Variants in HIVEP3 observed in about 807,000 individuals in gnomAD.
HIVEP3 encodes HIVEP zinc finger 3, also known as transcription factor HIVEP3.
A neutral mutation model predicts 152.8 loss-of-function variants in HIVEP3; 49 were observed. The ratio of observed to expected loss-of-function variants is 0.32; its 90% CI spans 0.26 to 0.41. HIVEP3 has a LOEUF of 0.41. Among genes scored for constraint, HIVEP3 ranks in the 10% least tolerant of loss-of-function variants. The probability of loss-of-function intolerance (pLI) is 1.00; values close to 1 mark genes in which losing one functional copy is unlikely to be tolerated. For synonymous variants in HIVEP3, 1,269 were observed against 1,289.0 expected (o/e 0.98, Z 0.33); for missense variants, 2,790 against 3,103.3 (o/e 0.90, Z 2.40).
At chr1:41,991,552 C>A (rs1224982745) in intron 1 of HIVEP3, among the ~76,000 whole-genome samples, 1 of 147,202 alleles carries the variant, frequency 6.8e-6, no homozygotes, top group African/African-American at 2.5e-5. Flanking sequence ...GATTCACAGC[C>A]GAATTCTACC....
At chr1:41,667,604 T>C (rs1338006662) in intron 2 of HIVEP3, among the ~76,000 whole-genome samples, 1 of 152,244 alleles carries the variant, frequency 6.6e-6, no homozygotes, top group Non-Finnish European at 1.5e-5. Flanking sequence ...GCCCATGGCT[T>C]TGTGCCCACC....
rs1485544054 is a variant in HIVEP3, at chr1:41,582,610, A to G, written c.2188T>C (p.Phe730Leu). The G allele has an allele frequency of 6.2e-7, 1 of 1,613,346 alleles. No individual in the cohort carries two copies. Among genetic ancestry groups the G allele is most frequent in the South Asian group, 1.1e-5 (1 of 90,966 alleles). The change falls in exon 4 of 9, where the codon TTT (phenylalanine) becomes CTT (leucine). Residue 730 changes from phenylalanine (F) to leucine (L), a missense_variant. By Grantham distance (22) the Phe-to-Leu change is conservative. Transcript: ENST00000372583. This position sits in a 1 kb window ranked among gnomAD's most constrained non-coding sequence, Gnocchi z 4.7. Reference sequence around the variant, plus strand: ...CCAAACTGACTTTTTGTGGACTCAAAGGCAGGTGGCTCTTCCTCGTCCCCA... The same window carrying G: ...CCAAACTGACTTTTTGTGGACTCAAGGGCAGGTGGCTCTTCCTCGTCCCCA... ...SLGDEEEPPA[F>L]ESTKSQFGSP...
At chr1:41,946,699 A>G (rs1466665617) in intron 1 of HIVEP3, among the ~76,000 whole-genome samples, 1 of 152,086 alleles carries the variant, frequency 6.6e-6, no homozygotes, top group African/African-American at 2.4e-5. Flanking sequence ...TGGGCAATAG[A>G]AGGACAATAT....
chr1:41,917,255 A>G (rs139482776), intron 1 of HIVEP3, among the ~76,000 whole-genome samples: 33 of 152,246 alleles, frequency 2.2e-4, no homozygotes, highest in African/African-American at 6.0e-4. Flanking sequence ...GAACACTGCC[A>G]TGCAGATCAG....
chr1:41,513,068 C>G lies in HIVEP3; in HGVS notation c.6153G>C (p.Val2051=), dbSNP rs1470650731. 6.2e-7 allele frequency: 1 copy of G among 1,613,772 alleles called. No individual in the cohort carries two copies. Among genetic ancestry groups the G allele is most frequent in the African/African-American group, 1.3e-5 (1 of 74,920 alleles). Residue 2051 remains valine (V), a synonymous_variant, in exon 8 of 9, where the codon GTG becomes GTC. Transcript: ENST00000372583. Reference sequence around the variant, plus strand: ...CGGTGGTACCCTCGAGTTTGGAGAGCACATGTGCTCGAGGGGCCAGTTCTC... The same window carrying G: ...CGGTGGTACCCTCGAGTTTGGAGAGGACATGTGCTCGAGGGGCCAGTTCTC... ...LGRELAPRAH[V]LSKLEGTTDP... is the part of the protein sequence containing the mutation.
At chr1:41,670,539 T>A (rs1570274013) in intron 2 of HIVEP3, among the ~76,000 whole-genome samples, 1 of 152,268 alleles carries the variant, frequency 6.6e-6, no homozygotes, top group East Asian at 1.9e-4. Flanking sequence ...CCATGGAACT[T>A]ATGTTCTAGG....
intron 1 of HIVEP3, among the ~76,000 whole-genome samples, chr1:41,942,730 A>G (rs1205323385): frequency 6.6e-6 from 1 of 152,236 alleles, no homozygotes; most frequent in African/African-American, 2.4e-5. Flanking sequence ...AGTTGCATTC[A>G]TAAAACTGAG....
chr1:41,812,772 CAG>C (rs564835269), intron 1 of HIVEP3, among the ~76,000 whole-genome samples: 63 of 151,408 alleles, frequency 4.2e-4, no homozygotes, highest in African/African-American at 1.5e-3. Context: ...CTGTGAAAAA[CAG>C]AGTGTCCCCT....
chr1:41,583,478 G>T lies in HIVEP3; in HGVS notation c.1320C>A (p.Leu440=). Residue 440 remains leucine (L), a synonymous_variant, in exon 4 of 9, where the codon CTC becomes CTA. Transcript: ENST00000372583. This position sits in a 1 kb window ranked among gnomAD's most constrained non-coding sequence, Gnocchi z 6.9. The part of the protein sequence containing the change: ...AMLTATSTQP[L]LPLSTEDKPS... ...GCTTGTCTTCGGTGGACAGGGGCAG[G>T]AGGGGCTGGGTGGAGGTGGCTGTCA... The T allele has an allele frequency of 1.2e-6, 2 of 1,613,994 alleles. No individual in the cohort carries two copies. The highest frequency in any genetic ancestry group is 1.7e-6 in the Non-Finnish European group (2 of 1,179,936).
intron 2 of HIVEP3, among the ~76,000 whole-genome samples, chr1:41,699,398 C>T (rs932070196): frequency 6.6e-6 from 1 of 152,194 alleles, no homozygotes; most frequent in Non-Finnish European, 1.5e-5. Flanking sequence ...GTTCTACCAA[C>T]GGAGGAAACT....
chr1:41,737,813 A>C (rs1646940833), intron 1 of HIVEP3, among the ~76,000 whole-genome samples: 1 of 152,062 alleles, frequency 6.6e-6, no homozygotes, highest in African/African-American at 2.4e-5. Flanking sequence ...GGGCAGGGAG[A>C]TATATTTGGA....
At chr1:41,993,005 G>A (rs1459211158) in intron 1 of HIVEP3, among the ~76,000 whole-genome samples, 2 of 147,070 alleles carry the variant, frequency 1.4e-5, no homozygotes, top group Non-Finnish European at 3.0e-5. Context: ...AATTCAAGAT[G>A]GATTAAAGAC....
chr1:41,581,721 G>A lies in HIVEP3; in HGVS notation c.3077C>T (p.Pro1026Leu). The A allele has an allele frequency of 1.2e-6, 2 of 1,611,036 alleles. No individual in the cohort carries two copies. The highest frequency in any genetic ancestry group is 1.7e-6 in the Non-Finnish European group (2 of 1,178,868). ...GSLSLTGPSA[P>L]APVAPPARVA... The stretch of plus-strand genomic sequence containing the variant: ...CCGCGCTGGTGGAGCCACTGGGGCT[G>A]GAGCAGAAGGGCCTGTCAAGGACAA... Residue 1026 changes from proline (P) to leucine (L), a missense_variant, in exon 4 of 9, where the codon CCA (proline) becomes CTA (leucine). Physicochemically the swap from Pro to Leu is moderately conservative, Grantham distance 98. Transcript: ENST00000372583. The surrounding 1 kb of genome is among the most constrained non-coding windows in gnomAD (Gnocchi z 4.5).
chr1:41,753,856 CA>C (rs1647210493), intron 1 of HIVEP3, among the ~76,000 whole-genome samples: 1 of 152,172 alleles, frequency 6.6e-6, no homozygotes, highest in African/African-American at 2.4e-5. Context: ...AATGAATGAA[CA>C]AAATCTCTGT....
intron 1 of HIVEP3, among the ~76,000 whole-genome samples, chr1:41,707,869 C>T (rs894625068): frequency 3.9e-5 from 6 of 152,256 alleles, no homozygotes; most frequent in South Asian, 2.1e-4. Flanking sequence ...TGCTCAATAA[C>T]GGTTTGCTAT....
At chr1:41,730,820 G>T (rs1432777754) in intron 1 of HIVEP3, among the ~76,000 whole-genome samples, 5 of 152,194 alleles carry the variant, frequency 3.3e-5, no homozygotes, top group Admixed American at 2.6e-4. Context: ...TGGGAGGCTG[G>T]GGGGTGGGGC....
At chr1:41,982,446 A>T (rs1484986040) in intron 1 of HIVEP3, among the ~76,000 whole-genome samples, 1 of 152,244 alleles carries the variant, frequency 6.6e-6, no homozygotes, top group Non-Finnish European at 1.5e-5. Context: ...CTACAGCCAC[A>T]GCAGAAATCA....
intron 5 of HIVEP3, among the ~76,000 whole-genome samples, chr1:41,564,973 G>A (rs1014232852): frequency 6.6e-6 from 1 of 152,218 alleles, no homozygotes; most frequent in African/African-American, 2.4e-5. Context: ...ACTCAGCGGA[G>A]CCCCTGCCTC....
At chr1:41,825,982 G>A (rs1642791810) in intron 1 of HIVEP3, among the ~76,000 whole-genome samples, 1 of 152,120 alleles carries the variant, frequency 6.6e-6, no homozygotes, top group Non-Finnish European at 1.5e-5. Context: ...GTAGCCCCAA[G>A]AGAGTAATGA....
Sources: gnomAD v4.1 joint callset for allele counts (sites outside exome capture counted in the v4.1 genomes callset) on GRCh38, gnomAD v4.1.1 for gene constraint, Gnocchi (gnomAD v3.1) non-coding constraint, MANE v1.5 for transcripts, NCBI Gene and HGNC (gene_info 2026-07-23, HGNC 2026-07-21) for gene names.